The following GPR176 variants were observed in gnomAD, a reference collection of about 807,000 sequenced individuals.
GPR176 encodes the protein G-protein coupled receptor 176.
A neutral mutation model predicts 35.4 loss-of-function variants in GPR176; 26 were observed. That is an observed-to-expected ratio of 0.74 (90% CI 0.54 to 1.02). The LOEUF is 1.02. Among genes scored for constraint, GPR176 ranks in the 50% least tolerant of loss-of-function variants. The pLI is 0.00. For missense variants in GPR176, 597 were observed against 665.3 expected (o/e 0.90, Z 1.13); for synonymous variants, 278 against 271.3 (o/e 1.02, Z -0.24).
chr15:39,827,543 T>A (rs1018368729), intron 1 of GPR176, among the ~76,000 whole-genome samples: 2 of 152,222 alleles, frequency 1.3e-5, no homozygotes, highest in Non-Finnish European at 2.9e-5. Flanking sequence ...TATCCCACTG[T>A]GGCCAAGAAC....
intron 1 of GPR176, among the ~76,000 whole-genome samples, chr15:39,834,079 A>C (rs1901255160): frequency 6.6e-6 from 1 of 152,188 alleles, no homozygotes; most frequent in South Asian, 2.1e-4. Context: ...AGTGCATTCT[A>C]TGTTTCCTCC....
At chr15:39,853,570 AT>A (rs2031014012) in intron 1 of GPR176, among the ~76,000 whole-genome samples, 1 of 152,192 alleles carries the variant, frequency 6.6e-6, no homozygotes, top group Non-Finnish European at 1.5e-5. Context: ...TTTTAACATA[AT>A]TTTTTAAAAT....
chr15:39,905,895 G>A (rs1193778621), intron 1 of GPR176, among the ~76,000 whole-genome samples: 2 of 152,132 alleles, frequency 1.3e-5, no homozygotes, highest in Admixed American at 1.3e-4. Flanking sequence ...CAATGTCCTG[G>A]TTGTTGTATT....
chr15:39,900,120 TTAAAA>T (rs1259793145), intron 1 of GPR176, among the ~76,000 whole-genome samples: 6 of 151,132 alleles, frequency 4.0e-5, no homozygotes, highest in African/African-American at 1.5e-4. Flanking sequence ...TTTAGATAAA[TTAAAA>T]TAAAATCTAG....
chr15:39,851,310 C>A (rs1168103161), intron 1 of GPR176, among the ~76,000 whole-genome samples: 4 of 152,086 alleles, frequency 2.6e-5, no homozygotes, highest in Non-Finnish European at 5.9e-5. Flanking sequence ...AAAACATAAG[C>A]CTAAAAAGTC....
At chr15:39,826,431 C>A (rs924153891) in intron 1 of GPR176, among the ~76,000 whole-genome samples, 1 of 152,124 alleles carries the variant, frequency 6.6e-6, no homozygotes, top group Non-Finnish European at 1.5e-5. Context: ...TTAAAAGTCA[C>A]AGAAAACCTC....
intron 1 of GPR176, among the ~76,000 whole-genome samples, chr15:39,812,635 A>C (rs373195916): frequency 1.6e-4 from 24 of 152,128 alleles, no homozygotes; most frequent in East Asian, 5.8e-4. Flanking sequence ...CGTGTGAGTC[A>C]ATTCTTCTAA....
intron 1 of GPR176, among the ~76,000 whole-genome samples, chr15:39,859,097 A>C (rs2031427561): frequency 6.6e-6 from 1 of 152,174 alleles, no homozygotes; most frequent in African/African-American, 2.4e-5. Flanking sequence ...ATCAGCAGAC[A>C]CAAGAAATGT....
intron 1 of GPR176, among the ~76,000 whole-genome samples, chr15:39,917,682 T>A (rs933330104): frequency 6.6e-6 from 1 of 151,882 alleles, no homozygotes; most frequent in African/African-American, 2.4e-5. Context: ...TATTTATGGG[T>A]TTTTTTCTGC....
chr15:39,841,152 T>G (rs4924394), intron 1 of GPR176, among the ~76,000 whole-genome samples: 28,060 of 152,022 alleles, frequency 0.18, 2,966 homozygotes, highest in Admixed American at 0.34. Flanking sequence ...ATAACTAGAT[T>G]GTGAATATGG....
chr15:39,856,090 C>T (rs1186840867), intron 1 of GPR176, among the ~76,000 whole-genome samples: 1 of 152,160 alleles, frequency 6.6e-6, no homozygotes, highest in African/African-American at 2.4e-5. Context: ...GAACCATGCT[C>T]AAAACGACAG....
intron 1 of GPR176, among the ~76,000 whole-genome samples, chr15:39,816,137 G>A (rs1363316729): frequency 1.3e-5 from 2 of 152,196 alleles, no homozygotes; most frequent in African/African-American, 4.8e-5. Context: ...CTGCCAGTAG[G>A]ACGAAGCGTT....
chr15:39,843,604 G>A (rs2030189358), intron 1 of GPR176, among the ~76,000 whole-genome samples: 1 of 151,008 alleles, frequency 6.6e-6, no homozygotes, highest in Non-Finnish European at 1.5e-5. Context: ...GATTACACAG[G>A]CATAGCTATG....
intron 2 of GPR176, among the ~76,000 whole-genome samples, chr15:39,803,648 A>T (rs1306902855): frequency 1.3e-5 from 2 of 152,144 alleles, no homozygotes; most frequent in Admixed American, 6.5e-5. Flanking sequence ...GGTTATAAGA[A>T]TGAAAAGACA....
intron 1 of GPR176, among the ~76,000 whole-genome samples, chr15:39,898,491 A>G (rs1217241141): frequency 6.6e-6 from 1 of 152,256 alleles, no homozygotes; most frequent in African/African-American, 2.4e-5. Flanking sequence ...TGAAAGGAAC[A>G]GCTGAAGAAT....
At chr15:39,894,378 C>G (rs2033021902) in intron 1 of GPR176, 1 of 153,900 alleles carries the variant, frequency 6.5e-6, no homozygotes, top group Non-Finnish European at 1.4e-5. Context: ...CCACCTCCCT[C>G]CCGGACGGGG....
At position 39,807,185 on chromosome 15, in the gene GPR176, G is replaced by T; in HGVS notation, c.246C>A (p.Asn82Lys). The T allele has an allele frequency of 6.2e-7, 1 of 1,613,736 alleles. No homozygotes were observed. The highest frequency in any genetic ancestry group is 8.5e-7 in the Non-Finnish European group (1 of 1,179,780). The change falls in exon 2 of 3, where the codon AAC becomes AAA. Residue 82 changes from asparagine to lysine, a missense_variant. Asn to Lys is a moderately conservative substitution (Grantham distance 94, BLOSUM62 0). Transcript: ENST00000561100. The part of the protein sequence containing the change: ...FKSVTNRFIK[N>K]LACSGICASL... ...TGGCACAAATCCCCGAGCAGGCCAG[G>T]TTTTTAATGAACCTGTTGGTGACAG... is the stretch of plus-strand genomic sequence containing the variant.
At chr15:39,830,133 T>C (rs1045680776) in intron 1 of GPR176, among the ~76,000 whole-genome samples, 1 of 152,182 alleles carries the variant, frequency 6.6e-6, no homozygotes, top group African/African-American at 2.4e-5. Flanking sequence ...TTATCAGCAT[T>C]TGTTCATTTT....
intron 1 of GPR176, chr15:39,829,360 G>A: frequency 7.7e-7 from 1 of 1,304,856 alleles, no homozygotes; most frequent in Non-Finnish European, 9.8e-7. Flanking sequence ...TGTGTGCGCA[G>A]GACACAAGGA....
Sources: allele counts gnomAD v4.1 joint callset (sites outside exome capture counted in the v4.1 genomes callset), GRCh38; gene constraint gnomAD v4.1.1; transcripts MANE v1.5; gene names NCBI Gene and HGNC (gene_info 2026-07-23, HGNC 2026-07-21).